NTM: variants seen among roughly 807,000 people sequenced by gnomAD.
The protein encoded by NTM is IgLON family member 2.
NTM carries 13 observed loss-of-function variants against 42.1 expected under a neutral mutation model. The observed-to-expected ratio is 0.31, with a 90% CI of 0.20 to 0.49. The LOEUF (loss-of-function observed/expected upper bound fraction) is 0.49. Among genes scored for constraint, NTM ranks in the 20% least tolerant of loss-of-function variants. The pLI is 0.99. For missense variants in NTM, 373 were observed against 452.8 expected (o/e 0.82, Z 1.60); for synonymous variants, 187 against 179.2 (o/e 1.04, Z -0.35).
chr11:131,451,265 G>T (rs1565513986), intron 1 of NTM, among the ~76,000 whole-genome samples: 1 of 152,200 alleles, frequency 6.6e-6, no homozygotes, highest in Non-Finnish European at 1.5e-5. Context: ...AGATTTTCGA[G>T]CTTAGCCAGG....
At chr11:131,946,412 T>C (rs1006349734) in intron 2 of NTM, among the ~76,000 whole-genome samples, 14 of 152,178 alleles carry the variant, frequency 9.2e-5, no homozygotes, top group Non-Finnish European at 1.8e-4. Flanking sequence ...CAAGGTCAAA[T>C]AGGCCATTTC....
At chr11:131,828,167 T>G (rs987553716) in intron 1 of NTM, among the ~76,000 whole-genome samples, 1 of 151,988 alleles carries the variant, frequency 6.6e-6, no homozygotes, top group African/African-American at 2.4e-5. Flanking sequence ...CGTTTTTAGG[T>G]CTAAGTGAGA....
At chr11:132,074,626 A>C (rs375446184) in intron 2 of NTM, among the ~76,000 whole-genome samples, 1 of 152,174 alleles carries the variant, frequency 6.6e-6, no homozygotes, top group African/African-American at 2.4e-5. Flanking sequence ...TCTATTTCAG[A>C]AACATTGCAA....
intron 1 of NTM, among the ~76,000 whole-genome samples, chr11:131,372,438 G>C (rs931595776): frequency 1.3e-5 from 2 of 152,088 alleles, no homozygotes; most frequent in African/African-American, 2.4e-5. Context: ...ATATGAAGCA[G>C]TATCAGTGTG....
At chr11:132,103,177 C>T (rs2136595256) in intron 2 of NTM, among the ~76,000 whole-genome samples, 1 of 152,374 alleles carries the variant, frequency 6.6e-6, no homozygotes, top group South Asian at 2.1e-4. Context: ...CTCCTCCTCA[C>T]CGGCCTCTCT....
In NTM at chr11:131,992,336, A is replaced by G. The variant is rs188529054; in HGVS notation, c.167+80688A>G. On this transcript the variant is annotated intron_variant, in intron 2 of 8. Coordinates refer to ENST00000683400, the MANE Select transcript of NTM (RefSeq NM_001352005.2). ...CATGCAAAATATGTACTGATTGACT[A>G]TGTTACTGGTAAGGCTTCTGGTCAA... Among the ~76,000 whole-genome samples the G allele has an allele frequency of 2.5e-4, 38 of 152,272 alleles. No individual in the cohort carries two copies. In the South Asian group the frequency reaches 6.4e-3, roughly 26 times the overall value.
At chr11:131,393,389 G>A (rs113839835) in intron 1 of NTM, among the ~76,000 whole-genome samples, 29 of 152,322 alleles carry the variant, frequency 1.9e-4, no homozygotes, top group African/African-American at 7.0e-4. Context: ...CAAATGGGAA[G>A]TGATGGAGGA....
chr11:132,254,842 A>T (rs2092337537), intron 4 of NTM, among the ~76,000 whole-genome samples: 1 of 152,102 alleles, frequency 6.6e-6, no homozygotes, highest in African/African-American at 2.4e-5. Context: ...CGCCATTGAT[A>T]TTTAGGCTGG....
chr11:132,090,446 C>T (rs933220627), intron 2 of NTM, among the ~76,000 whole-genome samples: 1 of 152,068 alleles, frequency 6.6e-6, no homozygotes, highest in African/African-American at 2.4e-5. Context: ...TCAGTGTTAC[C>T]TTCCCATGCC....
chr11:132,018,560 A>G (rs1950326958), intron 2 of NTM, among the ~76,000 whole-genome samples: 1 of 151,972 alleles, frequency 6.6e-6, no homozygotes, highest in South Asian at 2.1e-4. Context: ...TCAAGCTATC[A>G]TTTTTGCAAT....
At chr11:132,028,206 C>A (rs1219674002) in intron 2 of NTM, among the ~76,000 whole-genome samples, 2 of 149,342 alleles carry the variant, frequency 1.3e-5, no homozygotes, top group African/African-American at 4.9e-5. Flanking sequence ...TCTGCGATAT[C>A]TGAGCCTGTT....
intron 2 of NTM, among the ~76,000 whole-genome samples, chr11:132,051,157 G>A (rs1202048907): frequency 3.9e-5 from 6 of 152,156 alleles, no homozygotes; most frequent in Admixed American, 3.9e-4. Context: ...CAGTCACACT[G>A]GTGGAAAAAT....
intron 1 of NTM, among the ~76,000 whole-genome samples, chr11:131,497,213 G>A (rs748771177): frequency 7.2e-5 from 11 of 152,054 alleles, no homozygotes; most frequent in Admixed American, 1.3e-4. Context: ...TTTCAAGACC[G>A]AGTCTTGCTC....
Position 132,146,208 on chromosome 11 carries a change from G to A in NTM, c.168-74G>A. On this transcript the variant is annotated intron_variant, in intron 2 of 8. Transcript: ENST00000683400. The surrounding 1 kb of genome is among the most constrained non-coding windows in gnomAD (Gnocchi z 4.5). ...GAGAAAGACAAGATATTCTAGCCTT[G>A]CCATGAGGACCTCCCTCTGATGGCT... is the stretch of plus-strand genomic sequence containing the variant. The A allele has an allele frequency of 6.3e-7, 1 of 1,575,034 alleles. No homozygotes were observed.
chr11:132,107,459 TC>T (rs1035422138), intron 2 of NTM, among the ~76,000 whole-genome samples: 11 of 140,956 alleles, frequency 7.8e-5, no homozygotes, highest in African/African-American at 2.9e-4. Context: ...CAAGAGATCC[TC>T]CCTCCTCAGC....
At chr11:132,320,814 C>A (rs7947583) in intron 7 of NTM, among the ~76,000 whole-genome samples, 4,280 of 151,152 alleles carry the variant, frequency 0.028, 229 homozygotes, top group African/African-American at 0.099. Context: ...TCTCCCAGTA[C>A]GCAGCTGGAG....
At chr11:132,105,226 C>T (rs79311313) in intron 2 of NTM, among the ~76,000 whole-genome samples, 1,752 of 151,718 alleles carry the variant, frequency 0.012, 42 homozygotes, top group African/African-American at 0.039. Flanking sequence ...GAAGTCTGAA[C>T]ATGGCTTAAG....
intron 4 of NTM, among the ~76,000 whole-genome samples, chr11:132,234,436 C>G (rs762657936): frequency 7.2e-5 from 11 of 152,126 alleles, no homozygotes; most frequent in Non-Finnish European, 1.3e-4. Context: ...CTTCTTCCTG[C>G]CTCTTCACCC....
In NTM at chr11:131,665,497, G is replaced by A. The variant is rs75743584; in HGVS notation, c.83-246067G>A. 8.8e-3 allele frequency among the ~76,000 whole-genome samples: 1,347 copies of A among 152,266 alleles called. 21 individuals are homozygous for A. The highest frequency in any genetic ancestry group is 0.03 in the African/African-American group (1,264 of 41,546). On this transcript the variant is annotated intron_variant, in intron 1 of 8. Coordinates refer to ENST00000683400, the MANE Select transcript of NTM (RefSeq NM_001352005.2). ...AAAAAGAGGTCATATGGCTAGGACC[G>A]AATCCAATATGACGAATGTCCTTAT...
Sources: allele counts gnomAD v4.1 joint callset (sites outside exome capture counted in the v4.1 genomes callset), GRCh38; gene constraint gnomAD v4.1.1; non-coding constraint Gnocchi (gnomAD v3.1); transcripts MANE v1.5; gene names NCBI Gene and HGNC (gene_info 2026-07-23, HGNC 2026-07-21).